The following SFRP4 variants were observed in gnomAD, a reference collection of about 807,000 sequenced individuals.
SFRP4 encodes secreted frizzled related protein 4.
SFRP4 carries 25 observed loss-of-function variants against 36.3 expected under a neutral mutation model. The ratio of observed to expected loss-of-function variants is 0.69; its 90% confidence interval spans 0.50 to 0.96. The LOEUF is 0.96. Among genes scored for constraint, SFRP4 ranks in the 40% least tolerant of loss-of-function variants. SFRP4 has a pLI of 0.00. For missense variants in SFRP4, 487 were observed against 459.6 expected, an observed-to-expected ratio of 1.06 and a Z score of -0.54; for synonymous variants, 182 against 168.8, an observed-to-expected ratio of 1.08 and a Z score of -0.60.
In SFRP4 at chr7:37,916,355, G is replaced by GTAC. The variant is rs766508176; in HGVS notation, c.180_182dup (p.Gln60_Tyr61insTer). 8 of 1,614,094 alleles carry GTAC rather than the reference G, an allele frequency of 5.0e-6. No homozygotes were observed. The highest frequency in any genetic ancestry group is 6.8e-6 in the Non-Finnish European group (8 of 1,180,038). ...TGCAGTTCACGTCCACCAGCTCCTC[G>GTAC]TACTGCTCGATGGCCAGGATGGCGT... On this transcript the variant is annotated stop_gained, in exon 1 of 6. Coordinates refer to ENST00000436072, the MANE Select transcript of SFRP4 (RefSeq NM_003014.4). LOFTEE classifies it high-confidence loss of function. The surrounding 1 kb of genome is among the most constrained non-coding windows in gnomAD (Gnocchi z 4.1).
chr7:37,913,551 A>G (rs1785527405), intron 3 of SFRP4, among the ~76,000 whole-genome samples: 1 of 152,230 alleles, frequency 6.6e-6, no homozygotes, highest in South Asian at 2.1e-4. Flanking sequence ...TGTTAATTAA[A>G]TTTACTTTCA....
In SFRP4 at chr7:37,916,033, G is replaced by C. The variant is rs1475296759; in HGVS notation, c.445+60C>G. 2 of 1,554,366 alleles carry C rather than the reference G, an allele frequency of 1.3e-6. No homozygotes were observed. The highest frequency in any genetic ancestry group is 8.7e-7 in the Non-Finnish European group (1 of 1,148,330). ...CCTTAGGTGTGGCCGCCCAGTTCTC[G>C]ATTGGCAGCCACAGCCCCGGGCGCC... On this transcript the variant is annotated intron_variant, in intron 1 of 5. Coordinates refer to ENST00000436072, the MANE Select transcript of SFRP4 (RefSeq NM_003014.4). The surrounding 1 kb of genome is among the most constrained non-coding windows in gnomAD (Gnocchi z 4.1).
Position 37,916,792 on chromosome 7 carries a change from C to T in SFRP4, c.-255G>A. The stretch of plus-strand genomic sequence containing the variant: ...GAACCCGCCCGGGCAGCTCCAGTCC[C>T]GGACTCCGCAGCTCGGAGCGCAGCC... On this transcript the variant is annotated 5_prime_UTR_variant, in exon 1 of 6. Transcript: ENST00000436072. The surrounding 1 kb of genome is among the most constrained non-coding windows in gnomAD (Gnocchi z 4.1). 1.7e-6 allele frequency: 1 copy of T among 581,226 alleles called. No individual in the cohort carries two copies. The allele number at this position is 581,226 out of a possible 1,614,324, so 36.0% of individuals were successfully genotyped here. A position where few individuals can be genotyped will look rare whatever the true frequency, so the allele number is the denominator to read the frequency against.
rs745604736 is a variant in SFRP4 at position 37,912,263 on chromosome 7, G to A, written c.647C>T (p.Thr216Met). 13 of 1,614,116 alleles carry A rather than the reference G, an allele frequency of 8.1e-6. No homozygotes were observed. Among genetic ancestry groups the A allele is most frequent in the African/African-American group, 2.7e-5 (2 of 75,056 alleles). Residue 216 changes from threonine (T) to methionine (M), a missense_variant, in exon 4 of 6, where the codon ACG (threonine) becomes ATG (methionine). Physicochemically the swap from Thr to Met is moderately conservative, Grantham distance 81. Coordinates refer to ENST00000436072, the MANE Select transcript of SFRP4 (RefSeq NM_003014.4). ...GAAGATCTCTTTTACATCCACCACC[G>A]TTGTGACCTCATTGCAGCCACTCCT... ...VQRSGCNEVT[T>M]VVDVKEIFKS...
intron 3 of SFRP4, among the ~76,000 whole-genome samples, chr7:37,913,794 T>C (rs995595799): frequency 2.6e-5 from 4 of 152,250 alleles, no homozygotes; most frequent in East Asian, 1.9e-4. Context: ...ATCTTAATTG[T>C]CTGGGCCTAT....
intron 4 of SFRP4, 185 bp from the exon 5 acceptor site, chr7:37,909,865 A>G (rs1250447516): frequency 9.8e-6 from 4 of 408,252 alleles, no homozygotes; most frequent in African/African-American, 6.2e-5. Context: ...ATTAGATCAC[A>G]TTGTGTATTG....
At chr7:37,915,655 C>T (rs2131990249) in intron 1 of SFRP4, among the ~76,000 whole-genome samples, 1 of 98,072 alleles carries the variant, frequency 1.0e-5, no homozygotes, top group South Asian at 5.0e-4. Context: ...ACCGTTACTG[C>T]TTTTTCAGAA....
intron 5 of SFRP4, 89 bp from the exon 6 acceptor site, chr7:37,907,753 T>C: frequency 1.1e-6 from 1 of 875,700 alleles, no homozygotes; most frequent in Non-Finnish European, 1.8e-6. Context: ...AGTTTTTCAC[T>C]GTAATATATT....
At chr7:37,911,106 C>A (rs1785478829) in intron 4 of SFRP4, among the ~76,000 whole-genome samples, 1 of 152,200 alleles carries the variant, frequency 6.6e-6, no homozygotes, top group Admixed American at 6.5e-5. Context: ...TCTAGCACTG[C>A]AGCAGATGCA....
rs766289439 is a variant in SFRP4 at position 37,907,443 on chromosome 7, G to A, written c.*36C>T. On this transcript the variant is annotated 3_prime_UTR_variant, in exon 6 of 6. Coordinates refer to ENST00000436072, the MANE Select transcript of SFRP4 (RefSeq NM_003014.4). ...GGCAATGCCCAGCCTCATCCTGTAA[G>A]GAAGTCGGAAGTCTCCGCTTTGGAA... The A allele has an allele frequency of 6.3e-7, 1 of 1,580,860 alleles. No individual in the cohort carries two copies. Among genetic ancestry groups the A allele is most frequent in the Non-Finnish European group, 8.6e-7 (1 of 1,158,206 alleles).
Position 37,906,797 on chromosome 7 carries a change from G to A in SFRP4, c.*682C>T, listed in dbSNP as rs539934686. 6.6e-6 allele frequency: 1 copy of A among 152,278 alleles called. No homozygotes were observed. Among genetic ancestry groups the A allele is most frequent in the Non-Finnish European group, 1.5e-5 (1 of 68,018 alleles). The allele number at this position is 152,278 out of a possible 1,614,324, so 9.4% of individuals were successfully genotyped here. On this transcript the variant is annotated 3_prime_UTR_variant, in exon 6 of 6. Coordinates refer to ENST00000436072, the MANE Select transcript of SFRP4 (RefSeq NM_003014.4). Reference sequence around the variant, plus strand: ...ACCAAAAAACAGGAATCCAGACATTGTCTGCCTCTCCTTTTTATTTATTTT... The same window carrying A: ...ACCAAAAAACAGGAATCCAGACATTATCTGCCTCTCCTTTTTATTTATTTT...
intron 1 of SFRP4, among the ~76,000 whole-genome samples, chr7:37,915,609 T>C (rs1181702402): frequency 6.6e-6 from 1 of 152,114 alleles, no homozygotes; most frequent in Non-Finnish European, 1.5e-5. Flanking sequence ...CCAGGGAAAC[T>C]GCAATTACAA....
In SFRP4 at chr7:37,907,591, C is replaced by T. The variant is rs771031038; in HGVS notation, c.929G>A (p.Arg310His). Reference sequence around the variant, plus strand: ...TCCCTTTGGTTTGGGGGGATTACTACGACTGGTGCGCCCGGCTGTTTTCTT... The same window carrying T: ...TCCCTTTGGTTTGGGGGGATTACTATGACTGGTGCGCCCGGCTGTTTTCTT... Reference protein sequence around the residue: ...DKKKTAGRTSRSNPPKPKGKP... With the variant: ...DKKKTAGRTSHSNPPKPKGKP... The change falls in exon 6 of 6, where the codon CGT (arginine) becomes CAT (histidine). Residue 310 changes from arginine to histidine, a missense_variant. Coordinates refer to ENST00000436072, the MANE Select transcript of SFRP4 (RefSeq NM_003014.4). 48 of 1,613,644 alleles carry T rather than the reference C, an allele frequency of 3.0e-5. No homozygotes were observed. The East Asian group carries it at 8.2e-4, about 28-fold the overall frequency.
Position 37,912,160 on chromosome 7 carries a change from G to T in SFRP4, c.750C>A (p.Pro250=), listed in dbSNP as rs1367112085. The T allele has an allele frequency of 6.2e-7, 1 of 1,614,010 alleles. No individual in the cohort carries two copies. The highest frequency in any genetic ancestry group is 1.7e-5 in the Admixed American group (1 of 60,010). The change falls in exon 4 of 6, where the codon CCC becomes CCA. Residue 250 remains proline (P), a synonymous_variant. Coordinates refer to ENST00000436072, the MANE Select transcript of SFRP4 (RefSeq NM_003014.4). Reference sequence around the variant, plus strand: ...AACACATGATGAGAACATCTTGATGGGGCAGGATGTGTGGACACTGGCAAG... The same window carrying T: ...AACACATGATGAGAACATCTTGATGTGGCAGGATGTGTGGACACTGGCAAG... ...NSSCQCPHIL[P]HQDVLIMCYE...
chr7:37,908,876 G>A (rs2722323), intron 5 of SFRP4, among the ~76,000 whole-genome samples: 143,583 of 152,288 alleles, frequency 0.94, 67,899 homozygotes, highest in Middle Eastern at 0.98. Flanking sequence ...TTGTTAATAT[G>A]TACTTTTCTC....
In SFRP4 at chr7:37,916,511, C is replaced by G; in HGVS notation, c.27G>C (p.Leu9=). 1 of 1,610,930 alleles carries G rather than the reference C, an allele frequency of 6.2e-7. No individual in the cohort carries two copies. MFLSILVA[L]CLWLHLALGV... Reference sequence around the variant, plus strand: ...CCAGCGCCAGGTGCAGCCACAGGCACAGCGCCACTAGGATGGAGAGGAACA... The same window carrying G: ...CCAGCGCCAGGTGCAGCCACAGGCAGAGCGCCACTAGGATGGAGAGGAACA... Residue 9 remains leucine (L), a synonymous_variant, in exon 1 of 6, where the codon CTG becomes CTC. Coordinates refer to ENST00000436072, the MANE Select transcript of SFRP4 (RefSeq NM_003014.4). This position sits in a 1 kb window ranked among gnomAD's most constrained non-coding sequence, Gnocchi z 4.1.
At chr7:37,912,033 G>A (rs994626761) in intron 4 of SFRP4, 86 bp downstream of exon 4, 63 of 1,024,344 alleles carry the variant, frequency 6.2e-5, no homozygotes, top group Non-Finnish European at 8.4e-5. Context: ...GCATATTTTT[G>A]TTATATTTTT....
chr7:37,908,879 CT>C (rs1218119762), intron 5 of SFRP4, among the ~76,000 whole-genome samples: 2 of 152,178 alleles, frequency 1.3e-5, no homozygotes, highest in African/African-American at 2.4e-5. Context: ...TTAATATGTA[CT>C]TTTCTCTTGC....
Position 37,916,142 on chromosome 7 carries a change from G to T in SFRP4, c.396C>A (p.Asp132Glu). The T allele has an allele frequency of 6.2e-7, 1 of 1,614,118 alleles. No homozygotes were observed. The highest frequency in any genetic ancestry group is 1.1e-5 in the South Asian group (1 of 91,080). Reference sequence around the variant, plus strand: ...CTTCAGGCGAGATGCACACGCCACGGTCATAGACAGGCAGCTCGTCGCAGG... The same window carrying T: ...CTTCAGGCGAGATGCACACGCCACGTTCATAGACAGGCAGCTCGTCGCAGG... Reference protein sequence around the residue: ...SLACDELPVYDRGVCISPEAI... With the variant: ...SLACDELPVYERGVCISPEAI... Residue 132 changes from aspartate to glutamate, a missense_variant, in exon 1 of 6, where the codon GAC becomes GAA. By Grantham distance (45) the Asp-to-Glu change is conservative. Transcript: ENST00000436072. This position sits in a 1 kb window ranked among gnomAD's most constrained non-coding sequence, Gnocchi z 4.1.
Sources: allele counts gnomAD v4.1 joint callset (sites outside exome capture counted in the v4.1 genomes callset), GRCh38; gene constraint gnomAD v4.1.1; non-coding constraint Gnocchi (gnomAD v3.1); transcripts MANE v1.5; gene names NCBI Gene and HGNC (gene_info 2026-07-23, HGNC 2026-07-21).